Variants in GALNT13 observed in about 807,000 individuals in gnomAD.
The protein encoded by GALNT13 is UDP-GalNAc:polypeptide N-acetylgalactosaminyltransferase 13.
Under a neutral mutation model 64.2 loss-of-function variants are expected in GALNT13, and 28 were observed. That is an observed-to-expected ratio of 0.44 (90% CI 0.32 to 0.60). The LOEUF (loss-of-function observed/expected upper bound fraction) is 0.60. GALNT13 is among the 20% of genes least tolerant of loss of function. The pLI is 0.05. For missense variants in GALNT13, 577 were observed against 669.8 expected (o/e 0.86, Z 1.53); for synonymous variants, 214 against 224.6 (o/e 0.95, Z 0.42).
At chr2:153,588,066 A>G in the GALNT13 span, among the ~76,000 whole-genome samples, 7 of 152,224 alleles carry the variant, frequency 4.6e-5, no homozygotes, top group Non-Finnish European at 1.0e-4. Flanking sequence ...CATCCAGGTC[A>G]TGCTGATGCA....
At chr2:154,369,622 C>T (rs1171464663) in intron 9 of GALNT13, among the ~76,000 whole-genome samples, 1 of 152,130 alleles carries the variant, frequency 6.6e-6, no homozygotes, top group Non-Finnish European at 1.5e-5. Context: ...ACAAAGCCCT[C>T]ATGAGCCAGT....
chr2:154,066,181 G>A (rs2105377666), intron 3 of GALNT13, among the ~76,000 whole-genome samples: 1 of 152,138 alleles, frequency 6.6e-6, no homozygotes, highest in South Asian at 2.1e-4. Context: ...AATCACAGCA[G>A]ACGAAAGAAA....
chr2:153,956,252 A>G (rs900107557), intron 3 of GALNT13, among the ~76,000 whole-genome samples: 2 of 152,220 alleles, frequency 1.3e-5, no homozygotes, highest in African/African-American at 4.8e-5. Context: ...GAGCTGACAA[A>G]AAAACTAATG....
the GALNT13 span, among the ~76,000 whole-genome samples, chr2:153,503,059 T>C: frequency 6.6e-6 from 1 of 152,242 alleles, no homozygotes; most frequent in Non-Finnish European, 1.5e-5. Flanking sequence ...ATTATTTCTT[T>C]TGCTGTGAAG....
chr2:153,849,575 C>G, the GALNT13 span, among the ~76,000 whole-genome samples: 1 of 152,072 alleles, frequency 6.6e-6, no homozygotes, highest in Non-Finnish European at 1.5e-5. Context: ...CCTGTAATTG[C>G]CCCAGTTTGT....
intron 4 of GALNT13, among the ~76,000 whole-genome samples, chr2:154,182,411 T>C (rs1257471823): frequency 6.6e-6 from 1 of 152,098 alleles, no homozygotes; most frequent in African/African-American, 2.4e-5. Context: ...TGATCAGATA[T>C]ATCTGAGCTT....
chr2:153,649,194 A>T, the GALNT13 span, among the ~76,000 whole-genome samples: 4 of 152,072 alleles, frequency 2.6e-5, no homozygotes, highest in African/African-American at 7.2e-5. Flanking sequence ...TAGTCTTGGG[A>T]GGGTGTATGT....
the GALNT13 span, among the ~76,000 whole-genome samples, chr2:153,544,927 C>A: frequency 6.6e-6 from 1 of 152,044 alleles, no homozygotes; most frequent in Admixed American, 6.6e-5. Flanking sequence ...TGAGGGATAT[C>A]CTCTTCCAAC....
intron 9 of GALNT13, among the ~76,000 whole-genome samples, chr2:154,391,093 T>C (rs1376547307): frequency 1.3e-5 from 2 of 152,320 alleles, no homozygotes; most frequent in Non-Finnish European, 2.9e-5. Context: ...TCTTTCCATA[T>C]GTGGATTTAT....
the GALNT13 span, among the ~76,000 whole-genome samples, chr2:153,778,459 C>T: frequency 6.6e-6 from 1 of 152,178 alleles, no homozygotes; most frequent in Non-Finnish European, 1.5e-5. Context: ...AAGAACCATG[C>T]CCTTCCCTTC....
chr2:154,241,932 T>G, intron 4 of GALNT13, 98 bp from the exon 5 acceptor site: 1 of 656,976 alleles, frequency 1.5e-6, no homozygotes, highest in Non-Finnish European at 2.4e-6. Context: ...AGTAAGGGGC[T>G]TTCAAGTCTG....
At chr2:154,178,139 CCCTTATTCA>C (rs1282738883) in intron 4 of GALNT13, among the ~76,000 whole-genome samples, 1 of 152,050 alleles carries the variant, frequency 6.6e-6, no homozygotes, top group Non-Finnish European at 1.5e-5. Context: ...AACATGCCAA[CCCTTATTCA>C]CCACTATAAG....
At chr2:153,231,505 GAA>G in the GALNT13 span, among the ~76,000 whole-genome samples, 1 of 152,122 alleles carries the variant, frequency 6.6e-6, no homozygotes, top group Non-Finnish European at 1.5e-5. Context: ...ATAATTTACA[GAA>G]AGTTTAATAG....
chr2:153,262,861 G>A, the GALNT13 span, among the ~76,000 whole-genome samples: 200 of 152,076 alleles, frequency 1.3e-3, no homozygotes, highest in African/African-American at 4.5e-3. Flanking sequence ...ATGGGAAAAA[G>A]GTGGAAGCAT....
chr2:154,269,906 G>GTGTATATATATATATATAGATATATA (rs529424469), intron 8 of GALNT13, among the ~76,000 whole-genome samples: 1 of 96,884 alleles, frequency 1.0e-5, no homozygotes, highest in Non-Finnish European at 2.1e-5. Context: ...ATATATATGT[G>GTGTATATATATATATATAGATATATA]TATATATATA....
chr2:153,935,188 A>G (rs1195757252), intron 2 of GALNT13, among the ~76,000 whole-genome samples: 7 of 152,208 alleles, frequency 4.6e-5, no homozygotes, highest in Non-Finnish European at 7.3e-5. Context: ...GTTTTATTCT[A>G]TAAAGCCAAA....
intron 4 of GALNT13, among the ~76,000 whole-genome samples, chr2:154,174,348 A>T (rs1290695971): frequency 6.6e-6 from 1 of 152,100 alleles, no homozygotes; most frequent in African/African-American, 2.4e-5. Flanking sequence ...CTAGGGCACT[A>T]CATCTATGAA....
At chr2:153,670,927 T>A in the GALNT13 span, among the ~76,000 whole-genome samples, 1 of 152,140 alleles carries the variant, frequency 6.6e-6, no homozygotes, top group East Asian at 1.9e-4. Flanking sequence ...AATAGCTGAT[T>A]TGATTAAGCA....
chr2:154,201,824 T>A (rs190885519), intron 4 of GALNT13, among the ~76,000 whole-genome samples: 3 of 152,128 alleles, frequency 2.0e-5, no homozygotes, highest in South Asian at 4.1e-4. Context: ...AAGATAGATA[T>A]GTGTCTGGCA....
Sources: allele counts gnomAD v4.1 joint callset (sites outside exome capture counted in the v4.1 genomes callset), GRCh38; gene constraint gnomAD v4.1.1; transcripts MANE v1.5; gene names NCBI Gene and HGNC (gene_info 2026-07-23, HGNC 2026-07-21).